Variants in OLA1 observed in about 807,000 individuals in gnomAD.
OLA1 encodes obg-like ATPase 1.
A neutral mutation model predicts 48.4 loss-of-function variants in OLA1; 14 were observed. The ratio of observed to expected loss-of-function variants is 0.29; its 90% CI spans 0.19 to 0.45. OLA1 has a LOEUF of 0.45. Among genes scored for constraint, OLA1 ranks in the 20% least tolerant of loss-of-function variants. The probability of loss-of-function intolerance (pLI) is 1.00; values close to 1 mark genes in which losing one functional copy is unlikely to be tolerated. For missense variants in OLA1, 325 were observed against 467.1 expected, an observed-to-expected ratio of 0.70 and a Z score of 2.80; for synonymous variants, 127 against 150.4, an observed-to-expected ratio of 0.84 and a Z score of 1.14.
At position 174,185,856 on chromosome 2, in the gene OLA1, G is replaced by C. The variant is rs549939029; in HGVS notation, c.373+37177C>G. ...GACAGGAGAATCACTACCTCCAGGAGGTAGAGGTTGCAGTGAACCAAGATC... is the reference window on the plus strand; with the variant it reads ...GACAGGAGAATCACTACCTCCAGGACGTAGAGGTTGCAGTGAACCAAGATC... On this transcript the variant is annotated intron_variant, in intron 4 of 10. Coordinates refer to ENST00000284719, the MANE Select transcript of OLA1 (RefSeq NM_013341.5). Among the ~76,000 whole-genome samples, 4 of 152,250 alleles carry C rather than the reference G, an allele frequency of 2.6e-5. No homozygotes were observed. The East Asian group carries it at 5.8e-4, about 22-fold the overall frequency.
intron 4 of OLA1, among the ~76,000 whole-genome samples, chr2:174,157,088 TAAC>T (rs1686904736): frequency 6.6e-6 from 1 of 151,712 alleles, no homozygotes; most frequent in Admixed American, 6.6e-5. Flanking sequence ...AAAAGAATGA[TAAC>T]AAACTGAGAA....
intron 9 of OLA1, among the ~76,000 whole-genome samples, chr2:174,079,692 A>T (rs10803881): frequency 6.6e-6 from 1 of 151,832 alleles, no homozygotes; most frequent in Admixed American, 6.6e-5. Context: ...CTTATAATTA[A>T]CCCATATGTT....
At chr2:174,115,795 C>T (rs1413504721) in intron 7 of OLA1, among the ~76,000 whole-genome samples, 2 of 152,162 alleles carry the variant, frequency 1.3e-5, no homozygotes, top group African/African-American at 4.8e-5. Flanking sequence ...TCTTCCCCAG[C>T]CGCCCTAACT....
chr2:174,199,636 T>C (rs915093707), intron 4 of OLA1, among the ~76,000 whole-genome samples: 1 of 152,196 alleles, frequency 6.6e-6, no homozygotes, highest in African/African-American at 2.4e-5. Flanking sequence ...TTGGAATATC[T>C]GTATCACTCA....
At chr2:174,213,403 C>T (rs1438899451) in intron 4 of OLA1, among the ~76,000 whole-genome samples, 4 of 151,962 alleles carry the variant, frequency 2.6e-5, no homozygotes, top group South Asian at 2.1e-4. Flanking sequence ...ACACAAATGT[C>T]TTAGATTCCT....
intron 7 of OLA1, among the ~76,000 whole-genome samples, chr2:174,122,857 A>C (rs559040710): frequency 7.2e-5 from 11 of 152,130 alleles, no homozygotes; most frequent in Non-Finnish European, 1.6e-4. Context: ...TCCTAGTGTA[A>C]GAAGTTTTAT....
chr2:174,158,863 C>T (rs920446600), intron 4 of OLA1, among the ~76,000 whole-genome samples: 3 of 152,118 alleles, frequency 2.0e-5, no homozygotes, highest in Non-Finnish European at 4.4e-5. Flanking sequence ...TAAGAATCAC[C>T]TCAAATTTTA....
intron 2 of OLA1, among the ~76,000 whole-genome samples, chr2:174,245,786 C>A (rs966368509): frequency 2.0e-5 from 3 of 150,976 alleles, no homozygotes; most frequent in African/African-American, 7.3e-5. Flanking sequence ...CCCAGCTACC[C>A]GGGAGGCAGA....
Position 174,198,854 on chromosome 2 carries a change from C to T in OLA1, c.373+24179G>A, listed in dbSNP as rs1687933173. ...CATAATAATATTAACATGTTATTTG[C>T]CTTTTTCACTGTATTGACATCAGCA... On this transcript the variant is annotated intron_variant, in intron 4 of 10. Transcript: ENST00000284719. 2.6e-5 allele frequency among the ~76,000 whole-genome samples: 4 copies of T among 152,220 alleles called. No individual in the cohort carries two copies. In the South Asian group the frequency reaches 8.3e-4, roughly 32 times the overall value.
At chr2:174,145,642 C>T (rs1029388184) in intron 4 of OLA1, among the ~76,000 whole-genome samples, 12 of 152,100 alleles carry the variant, frequency 7.9e-5, no homozygotes, top group Admixed American at 1.3e-4. Context: ...AAATTAAAAA[C>T]TGCAATTTTC....
intron 4 of OLA1, among the ~76,000 whole-genome samples, chr2:174,191,555 A>C (rs907262483): frequency 2.0e-5 from 3 of 152,076 alleles, no homozygotes; most frequent in Non-Finnish European, 4.4e-5. Flanking sequence ...ACTGGGCTGA[A>C]GTGATCTTCC....
At chr2:174,083,084 T>C (rs562974917) in intron 7 of OLA1, among the ~76,000 whole-genome samples, 29 of 152,280 alleles carry the variant, frequency 1.9e-4, no homozygotes, top group African/African-American at 6.7e-4. Flanking sequence ...ATAGCATACA[T>C]TCCTATGAAT....
chr2:174,139,393 TC>T (rs1686386106), intron 5 of OLA1, among the ~76,000 whole-genome samples: 1 of 152,216 alleles, frequency 6.6e-6, no homozygotes, highest in Non-Finnish European at 1.5e-5. Flanking sequence ...TTCAGACTTC[TC>T]ATCCTCCAGA....
chr2:174,153,197 A>G (rs1456545241), intron 4 of OLA1, among the ~76,000 whole-genome samples: 1 of 152,212 alleles, frequency 6.6e-6, no homozygotes, highest in Non-Finnish European at 1.5e-5. Flanking sequence ...GGAGCAATCA[A>G]GCAAGGCTGT....
intron 7 of OLA1, among the ~76,000 whole-genome samples, chr2:174,100,508 A>G (rs1685367347): frequency 6.6e-6 from 1 of 151,970 alleles, no homozygotes; most frequent in African/African-American, 2.4e-5. Context: ...GGGCTTACCA[A>G]TCCTCCCACG....
chr2:174,171,311 A>C (rs1013960260), intron 4 of OLA1, among the ~76,000 whole-genome samples: 2 of 152,230 alleles, frequency 1.3e-5, no homozygotes, highest in Non-Finnish European at 2.9e-5. Context: ...TACATTCAAT[A>C]ATAACAAAAC....
chr2:174,227,798 T>C (rs911408528), intron 3 of OLA1, among the ~76,000 whole-genome samples: 3 of 152,198 alleles, frequency 2.0e-5, no homozygotes, highest in Admixed American at 6.5e-5. Flanking sequence ...GGAGGAATGA[T>C]AGAATTACAA....
intron 2 of OLA1, among the ~76,000 whole-genome samples, chr2:174,235,134 G>A (rs926751484): frequency 6.6e-6 from 1 of 152,048 alleles, no homozygotes; most frequent in African/African-American, 2.4e-5. Context: ...ACTCCAGCCC[G>A]GGCAACAGAG....
At chr2:174,191,622 T>G (rs1687779882) in intron 4 of OLA1, among the ~76,000 whole-genome samples, 1 of 152,058 alleles carries the variant, frequency 6.6e-6, no homozygotes, top group Admixed American at 6.5e-5. Context: ...ACTCAGCTAA[T>G]TTATTATTTT....
Sources: gnomAD v4.1 joint callset for allele counts (sites outside exome capture counted in the v4.1 genomes callset) on GRCh38, gnomAD v4.1.1 for gene constraint, MANE v1.5 for transcripts, NCBI Gene and HGNC (gene_info 2026-07-23, HGNC 2026-07-21) for gene names.